The following RHOBTB1 variants were observed in gnomAD, a reference collection of about 807,000 sequenced individuals.
RHOBTB1 encodes the protein rho-related BTB domain-containing protein 1.
RHOBTB1 carries 40 observed loss-of-function variants against 71.6 expected under a neutral mutation model. The observed-to-expected ratio is 0.56, with a 90% CI of 0.43 to 0.73. RHOBTB1 has a LOEUF of 0.73. Ranked by LOEUF, RHOBTB1 falls within the 30% of genes least tolerant of loss-of-function variation. RHOBTB1 has a pLI of 0.00. For synonymous variants in RHOBTB1, 319 were observed against 334.9 expected (o/e 0.95, Z 0.52); for missense variants, 797 against 894.0 (o/e 0.89, Z 1.38).
intron 4 of RHOBTB1, among the ~76,000 whole-genome samples, chr10:60,904,337 C>T (rs1248307139): frequency 2.0e-5 from 3 of 152,172 alleles, no homozygotes; most frequent in Admixed American, 6.5e-5. Flanking sequence ...TTTTGACATA[C>T]GTATTCCCCA....
chr10:60,886,893 C>A (rs2081610845), intron 6 of RHOBTB1, among the ~76,000 whole-genome samples: 1 of 149,446 alleles, frequency 6.7e-6, no homozygotes, highest in Non-Finnish European at 1.5e-5. Context: ...TTTTTTTTTA[C>A]AGATAGCATG....
At chr10:60,896,506 C>T (rs751170368) in intron 4 of RHOBTB1, among the ~76,000 whole-genome samples, 7 of 152,166 alleles carry the variant, frequency 4.6e-5, no homozygotes, top group Non-Finnish European at 1.0e-4. Flanking sequence ...GTACAGGGTA[C>T]ATGAGATTGT....
the RHOBTB1 span, among the ~76,000 whole-genome samples, chr10:60,862,546 C>T: frequency 3.2e-4 from 48 of 148,650 alleles, no homozygotes; most frequent in African/African-American, 1.2e-3. Flanking sequence ...CTCTTTCTTT[C>T]TTTCTTTCCT....
At chr10:60,901,903 C>G (rs564276899) in intron 4 of RHOBTB1, among the ~76,000 whole-genome samples, 6 of 152,350 alleles carry the variant, frequency 3.9e-5, no homozygotes, top group Non-Finnish European at 5.9e-5. Context: ...CCCATCAATG[C>G]TTTTCTGGGC....
At chr10:60,986,908 C>G (rs1163611542) in intron 1 of RHOBTB1, among the ~76,000 whole-genome samples, 1 of 152,156 alleles carries the variant, frequency 6.6e-6, no homozygotes, top group African/African-American at 2.4e-5. Flanking sequence ...AAGCAGCTTC[C>G]TTACTAAGTC....
At chr10:60,923,694 G>C (rs1003375066) in intron 2 of RHOBTB1, among the ~76,000 whole-genome samples, 1 of 152,132 alleles carries the variant, frequency 6.6e-6, no homozygotes, top group Non-Finnish European at 1.5e-5. Context: ...TTGTGAGAGG[G>C]ACCCAGTGGG....
chr10:60,895,713 A>G (rs967293897), intron 4 of RHOBTB1, among the ~76,000 whole-genome samples: 1 of 152,250 alleles, frequency 6.6e-6, no homozygotes, highest in African/African-American at 2.4e-5. Context: ...CCAAGATCAT[A>G]TTTTAAGTAT....
upstream of RHOBTB1, among the ~76,000 whole-genome samples, chr10:60,948,436 C>T (rs965079008): frequency 9.8e-5 from 15 of 152,296 alleles, no homozygotes; most frequent in South Asian, 2.1e-4. Flanking sequence ...ACCTTAGCCA[C>T]GTGTAGTCGA....
intron 2 of RHOBTB1, among the ~76,000 whole-genome samples, chr10:60,912,554 G>A (rs1478223905): frequency 2.0e-5 from 3 of 152,240 alleles, no homozygotes; most frequent in African/African-American, 4.8e-5. Context: ...ATTCTTGAGG[G>A]CCCACAATAA....
chr10:60,880,800 T>TG (rs1487425991), intron 7 of RHOBTB1, among the ~76,000 whole-genome samples: 2 of 152,242 alleles, frequency 1.3e-5, no homozygotes, highest in African/African-American at 4.8e-5. Context: ...CTAGCACCAG[T>TG]TACACTGCGT....
chr10:60,994,120 T>C (rs1375383369), intron 1 of RHOBTB1, among the ~76,000 whole-genome samples: 2 of 152,170 alleles, frequency 1.3e-5, no homozygotes, highest in Non-Finnish European at 2.9e-5. Flanking sequence ...AACCATATCC[T>C]GATCTTTATT....
At chr10:60,899,231 G>C (rs2082296298) in intron 4 of RHOBTB1, among the ~76,000 whole-genome samples, 1 of 152,186 alleles carries the variant, frequency 6.6e-6, no homozygotes, top group South Asian at 2.1e-4. Context: ...AGCTTAAACA[G>C]TCCTACTTAA....
chr10:60,966,836 C>G (rs940118315), intron 2 of RHOBTB1, among the ~76,000 whole-genome samples: 3 of 146,940 alleles, frequency 2.0e-5, no homozygotes, highest in Admixed American at 6.9e-5. Context: ...ATCCCTCCCC[C>G]CTCCCCCCAC....
chr10:60,891,912 A>G (rs1203664234), intron 5 of RHOBTB1, among the ~76,000 whole-genome samples: 1 of 152,062 alleles, frequency 6.6e-6, no homozygotes, highest in Non-Finnish European at 1.5e-5. Context: ...CCCCCATGCT[A>G]TTCTCATAAT....
At chr10:60,967,293 T>G (rs1204091740) in intron 2 of RHOBTB1, among the ~76,000 whole-genome samples, 2 of 150,194 alleles carry the variant, frequency 1.3e-5, no homozygotes, top group East Asian at 1.9e-4. Context: ...CTGTTTTTTT[T>G]TTTTTTTTTT....
rs2087115394 is a variant in RHOBTB1, at chr10:60,997,953, C to A, written c.-163+3446G>T. 2.0e-5 allele frequency among the ~76,000 whole-genome samples: 3 copies of A among 152,134 alleles called. No homozygotes were observed. The South Asian group carries it at 6.2e-4, about 32-fold the overall frequency. ...AAGTCAGAAGGCTTAGGTTCTATAG[C>A]TTATGGTCTGTTTTGGGGGGCTTCA... On this transcript the variant is annotated intron_variant, in intron 1 of 11. Transcript: ENST00000357917.
chr10:60,942,806 C>CT (rs1175585738), intron 1 of RHOBTB1, among the ~76,000 whole-genome samples: 2 of 152,042 alleles, frequency 1.3e-5, no homozygotes, highest in African/African-American at 4.8e-5. Flanking sequence ...TGACTATTTA[C>CT]TATCTGCTGC....
chr10:60,863,312 G>A, the RHOBTB1 span, among the ~76,000 whole-genome samples: 28,587 of 151,916 alleles, frequency 0.19, 2,959 homozygotes, highest in African/African-American at 0.28. Context: ...ACTTTGAGAC[G>A]TTAATTACAA....
In RHOBTB1 at chr10:60,892,793, T is replaced by C. The variant is rs201735074; in HGVS notation, c.482+17A>G. On this transcript the variant is annotated intron_variant, in intron 5 of 10. Transcript: ENST00000337910. Reference sequence around the variant, plus strand: ...TAACTTGGTCAGGACAGGGAAACACTGAGTCCCTTGGCTTACCTTGCTAAC... The same window carrying C: ...TAACTTGGTCAGGACAGGGAAACACCGAGTCCCTTGGCTTACCTTGCTAAC... 6.3e-5 allele frequency: 101 copies of C among 1,605,594 alleles called. No individual in the cohort carries two copies. The highest frequency in any genetic ancestry group is 7.9e-5 in the Non-Finnish European group (93 of 1,176,050).
Sources: gnomAD v4.1 joint callset for allele counts (sites outside exome capture counted in the v4.1 genomes callset) on GRCh38, gnomAD v4.1.1 for gene constraint, MANE v1.5 for transcripts, NCBI Gene and HGNC (gene_info 2026-07-23, HGNC 2026-07-21) for gene names.